The following MAP3K5 variants were observed in gnomAD, a reference collection of about 807,000 sequenced individuals.
MAP3K5 encodes the protein mitogen-activated protein kinase kinase kinase 5.
Under a neutral mutation model 158.7 loss-of-function variants are expected in MAP3K5, and 56 were observed. The ratio of observed to expected loss-of-function variants is 0.35; its 90% CI spans 0.28 to 0.44. The LOEUF is 0.44. Ranked by LOEUF, MAP3K5 falls within the 20% of genes least tolerant of loss-of-function variation. The pLI, the probability that MAP3K5 is intolerant of heterozygous loss-of-function variation, is 1.00. For synonymous variants in MAP3K5, 579 were observed against 601.7 expected (o/e 0.96, Z 0.55); for missense variants, 1,294 against 1,674.8 (o/e 0.77, Z 3.97).
Position 136,656,385 on chromosome 6 carries a change from G to T in MAP3K5, c.1602C>A (p.Ala534=), listed in dbSNP as rs751412404. The change falls in exon 10 of 30, where the codon GCC becomes GCA. Residue 534 remains alanine, a synonymous_variant. Transcript: ENST00000359015. ...FVKLTTEQPV[A]KQELVDFWMD... Reference sequence around the variant, plus strand: ...TCCAAAAGTCCACAAGTTCTTGCTTGGCCACAGGCTGTTCTGTGGTCAGTT... The same window carrying T: ...TCCAAAAGTCCACAAGTTCTTGCTTTGCCACAGGCTGTTCTGTGGTCAGTT... The T allele has an allele frequency of 6.2e-7, 1 of 1,613,306 alleles. No homozygotes were observed. Among genetic ancestry groups the T allele is most frequent in the African/African-American group, 1.3e-5 (1 of 74,984 alleles).
intron 2 of MAP3K5, among the ~76,000 whole-genome samples, chr6:136,708,853 T>C (rs1001325922): frequency 6.6e-6 from 1 of 152,080 alleles, no homozygotes; most frequent in Non-Finnish European, 1.5e-5. Flanking sequence ...CTCTCCAGAG[T>C]AGCAAACCAT....
intron 1 of MAP3K5, among the ~76,000 whole-genome samples, chr6:136,768,695 C>G (rs1325368340): frequency 6.6e-6 from 1 of 152,082 alleles, no homozygotes; most frequent in African/African-American, 2.4e-5. Flanking sequence ...GGGTGTATCA[C>G]TTGAGGTCAG....
chr6:136,695,663 T>C (rs1243223103), intron 6 of MAP3K5, among the ~76,000 whole-genome samples: 1 of 152,220 alleles, frequency 6.6e-6, no homozygotes, highest in Non-Finnish European at 1.5e-5. Flanking sequence ...TTCATGTAAC[T>C]TTTACAATTC....
Position 136,676,185 on chromosome 6 carries a change from A to G in MAP3K5, c.1254-6790T>C, listed in dbSNP as rs576232312. 3.9e-5 allele frequency among the ~76,000 whole-genome samples: 6 copies of G among 152,350 alleles called. No homozygotes were observed. The East Asian group carries it at 1.2e-3, about 29-fold the overall frequency. On this transcript the variant is annotated intron_variant, in intron 7 of 29. Coordinates refer to ENST00000359015, the MANE Select transcript of MAP3K5 (RefSeq NM_005923.4). ...GGAACCTTAACAGCCTTGCTGACCA[A>G]TGAATCTCCGGTACTTGAATCATCA...
intron 18 of MAP3K5, among the ~76,000 whole-genome samples, chr6:136,607,859 T>C (rs1776166016): frequency 6.6e-6 from 1 of 152,212 alleles, no homozygotes; most frequent in South Asian, 2.1e-4. Context: ...AGAAGCCAGA[T>C]GATAAATTAT....
intron 14 of MAP3K5, among the ~76,000 whole-genome samples, chr6:136,632,918 G>A (rs1001000572): frequency 1.3e-5 from 2 of 152,028 alleles, no homozygotes; most frequent in Non-Finnish European, 2.9e-5. Context: ...ACCCTTCCAC[G>A]TCAAAATACA....
chr6:136,603,882 T>C (rs1186654357), intron 19 of MAP3K5, among the ~76,000 whole-genome samples: 2 of 152,182 alleles, frequency 1.3e-5, no homozygotes, highest in Non-Finnish European at 2.9e-5. Context: ...CAGTGTCCTA[T>C]CAGATTGTCT....
intron 18 of MAP3K5, among the ~76,000 whole-genome samples, chr6:136,606,634 C>T (rs1186599227): frequency 6.6e-6 from 1 of 152,140 alleles, no homozygotes; most frequent in Non-Finnish European, 1.5e-5. Flanking sequence ...CACCGCATAC[C>T]CTGCTTCTGA....
intron 7 of MAP3K5, among the ~76,000 whole-genome samples, 188 bp downstream of exon 7, chr6:136,693,952 C>T (rs921745499): frequency 6.6e-6 from 1 of 152,164 alleles, no homozygotes; most frequent in Admixed American, 6.5e-5. Context: ...CACATGACTG[C>T]ACTCCAGCCT....
chr6:136,605,427 C>T (rs1465584559), intron 18 of MAP3K5, 61 bp from the exon 19 acceptor site: 1 of 1,408,036 alleles, frequency 7.1e-7, no homozygotes, highest in African/African-American at 1.5e-5. Flanking sequence ...TATCTAATGA[C>T]AGTTTTTCAA....
At chr6:136,764,462 C>T (rs1355133524) in intron 1 of MAP3K5, among the ~76,000 whole-genome samples, 1 of 152,144 alleles carries the variant, frequency 6.6e-6, no homozygotes, top group Non-Finnish European at 1.5e-5. Flanking sequence ...AACTGAGGCC[C>T]AACAGCCCAC....
At chr6:136,561,874 G>A (rs937920522) in intron 27 of MAP3K5, among the ~76,000 whole-genome samples, 5 of 152,154 alleles carry the variant, frequency 3.3e-5, no homozygotes, top group African/African-American at 4.8e-5. Flanking sequence ...ACACTCCTAC[G>A]TTACACTTTC....
intron 1 of MAP3K5, among the ~76,000 whole-genome samples, chr6:136,786,863 A>T (rs1187284141): frequency 7.2e-6 from 1 of 139,342 alleles, no homozygotes; most frequent in Non-Finnish European, 1.5e-5. Context: ...GGACTGCAGT[A>T]GCACGATTTC....
At chr6:136,634,164 A>T (rs909371646) in intron 14 of MAP3K5, among the ~76,000 whole-genome samples, 18 of 152,252 alleles carry the variant, frequency 1.2e-4, no homozygotes, top group African/African-American at 2.4e-5. Flanking sequence ...AACTTTAATA[A>T]AGAATGTTGA....
intron 7 of MAP3K5, among the ~76,000 whole-genome samples, chr6:136,680,845 G>A (rs1779902176): frequency 6.6e-6 from 1 of 152,144 alleles, no homozygotes; most frequent in African/African-American, 2.4e-5. Context: ...TGAGAAGGCT[G>A]GAAAGATGGG....
At chr6:136,587,286 A>G (rs1420292755) in intron 23 of MAP3K5, among the ~76,000 whole-genome samples, 1 of 152,220 alleles carries the variant, frequency 6.6e-6, no homozygotes, top group African/African-American at 2.4e-5. Flanking sequence ...GGCAATAATT[A>G]CTTCTGATTG....
chr6:136,561,977 A>G (rs1830535119), intron 27 of MAP3K5, among the ~76,000 whole-genome samples: 1 of 152,218 alleles, frequency 6.6e-6, no homozygotes, highest in Non-Finnish European at 1.5e-5. Context: ...ATTAGCAGAG[A>G]ACTATATAAT....
intron 1 of MAP3K5, among the ~76,000 whole-genome samples, chr6:136,790,445 T>G (rs1785026221): frequency 6.6e-6 from 1 of 152,242 alleles, no homozygotes; most frequent in Non-Finnish European, 1.5e-5. Flanking sequence ...GTAACTTTTA[T>G]AGCAAGCTAC....
chr6:136,681,519 G>A (rs1779932120), intron 7 of MAP3K5, among the ~76,000 whole-genome samples: 1 of 152,144 alleles, frequency 6.6e-6, no homozygotes, highest in Non-Finnish European at 1.5e-5. Context: ...AGTAGTCATG[G>A]ATACTTCAGA....
Sources: gnomAD v4.1 joint callset for allele counts (sites outside exome capture counted in the v4.1 genomes callset) on GRCh38, gnomAD v4.1.1 for gene constraint, MANE v1.5 for transcripts, NCBI Gene and HGNC (gene_info 2026-07-23, HGNC 2026-07-21) for gene names.